The following FMNL3 variants were observed in gnomAD, a reference collection of about 807,000 sequenced individuals.
FMNL3 encodes formin like 3, also known as formin-like protein 3.
FMNL3 carries 57 observed loss-of-function variants against 119.6 expected under a neutral mutation model. That is an observed-to-expected ratio of 0.48 (90% confidence interval 0.39 to 0.59). The LOEUF (loss-of-function observed/expected upper bound fraction) is 0.59, where lower values mean the gene tolerates loss of function less well. Among genes scored for constraint, FMNL3 ranks in the 20% least tolerant of loss-of-function variants. The pLI is 0.00. For synonymous variants in FMNL3, 491 were observed against 507.3 expected, an observed-to-expected ratio of 0.97 and a Z score of 0.43; for missense variants, 1,053 against 1,323.5, an observed-to-expected ratio of 0.80 and a Z score of 3.17.
At position 49,636,630 on chromosome 12, in the gene FMNL3, C is replaced by G; in HGVS notation, c.*9185G>C. On this transcript the variant is annotated 3_prime_UTR_variant, in exon 26 of 26. Coordinates refer to ENST00000335154, the MANE Select transcript of FMNL3 (RefSeq NM_175736.5). ...CTGGGTATCCCTAGCACCTGTAGGA[C>G]AGCATCGTTGAAACATTAGGGGTGC... 1 of 1,577,886 alleles carries G rather than the reference C, an allele frequency of 6.3e-7. No homozygotes were observed. The highest frequency in any genetic ancestry group is 1.1e-5 in the South Asian group (1 of 88,836).
intron 4 of FMNL3, among the ~76,000 whole-genome samples, 194 bp from the exon 5 acceptor site, chr12:49,662,243 G>C (rs78621448): frequency 2.0e-4 from 30 of 152,292 alleles, no homozygotes; most frequent in African/African-American, 7.2e-4. Flanking sequence ...CAGGGATGGG[G>C]AAAGTTCAGG....
intron 1 of FMNL3, among the ~76,000 whole-genome samples, chr12:49,684,865 T>C (rs904015008): frequency 6.6e-6 from 1 of 152,078 alleles, no homozygotes. Flanking sequence ...TTCTGCTGAG[T>C]GGCAAGTAAA....
chr12:49,668,850 T>C (rs1012375172), intron 1 of FMNL3, among the ~76,000 whole-genome samples: 3 of 152,230 alleles, frequency 2.0e-5, no homozygotes, highest in Non-Finnish European at 2.9e-5. Flanking sequence ...TTCGGAAGTA[T>C]AAATAATGTT....
intron 1 of FMNL3, among the ~76,000 whole-genome samples, chr12:49,693,636 G>GTTTTTTT (rs71080198): frequency 1.6e-5 from 1 of 63,376 alleles, no homozygotes; most frequent in African/African-American, 6.3e-5. Flanking sequence ...CCCAATCTTG[G>GTTTTTTT]TTTTTTTTTT....
In FMNL3 at chr12:49,641,075, A is replaced by C. The variant is rs1942574853; in HGVS notation, c.*4740T>G. 1 of 152,218 alleles carries C rather than the reference A, an allele frequency of 6.6e-6. No homozygotes were observed. The highest frequency in any genetic ancestry group is 1.5e-5 in the Non-Finnish European group (1 of 68,038). The allele number at this position is 152,218 out of a possible 1,614,324, so 9.4% of individuals were successfully genotyped here. A position where few individuals can be genotyped will look rare whatever the true frequency, so the allele number is the denominator to read the frequency against. On this transcript the variant is annotated 3_prime_UTR_variant, in exon 26 of 26. Coordinates refer to ENST00000335154, the MANE Select transcript of FMNL3 (RefSeq NM_175736.5). ...CTGGCCTGTGCTTAACTGACGTGAGAGCCAGACTTTGAACTCCAGTGGCTT... is the reference window on the plus strand; with the variant it reads ...CTGGCCTGTGCTTAACTGACGTGAGCGCCAGACTTTGAACTCCAGTGGCTT...
chr12:49,638,066 A>AG lies in FMNL3; in HGVS notation c.*7748dup, dbSNP rs375460955. On this transcript the variant is annotated 3_prime_UTR_variant, in exon 26 of 26. Coordinates refer to ENST00000335154, the MANE Select transcript of FMNL3 (RefSeq NM_175736.5). ...TATACAAAGGGGCAAGTGTTATTACAGAGACAGGAATCTGAAGAACTAACA... is the reference window on the plus strand; with the variant it reads ...TATACAAAGGGGCAAGTGTTATTACAGGAGACAGGAATCTGAAGAACTAACA... 52 of 491,378 alleles carry AG rather than the reference A, an allele frequency of 1.1e-4. No homozygotes were observed. Among genetic ancestry groups the AG allele is most frequent in the African/African-American group, 7.9e-4 (41 of 51,900 alleles). 30.4% of individuals were successfully genotyped at this position (491,378 alleles called of 1,614,324 possible). A position where few individuals can be genotyped will look rare whatever the true frequency, so the allele number is the denominator to read the frequency against.
At chr12:49,689,677 T>C (rs1380422853) in intron 1 of FMNL3, among the ~76,000 whole-genome samples, 1 of 152,172 alleles carries the variant, frequency 6.6e-6, no homozygotes, top group Non-Finnish European at 1.5e-5. Flanking sequence ...GATCACACTA[T>C]TGCACTTCAA....
At chr12:49,654,127 TC>T (rs1943495326) in intron 11 of FMNL3, 64 bp downstream of exon 11, 2 of 1,472,120 alleles carry the variant, frequency 1.4e-6, no homozygotes, top group South Asian at 2.3e-5. Flanking sequence ...AAAAGAAAAA[TC>T]ATTTGTGATA....
At chr12:49,661,061 T>C (rs757939299) in intron 5 of FMNL3, among the ~76,000 whole-genome samples, 7 of 152,348 alleles carry the variant, frequency 4.6e-5, no homozygotes, top group African/African-American at 1.7e-4. Flanking sequence ...ACTGGGAAGA[T>C]TGGTCTCCCT....
At chr12:49,697,869 A>G (rs1944793835) in intron 1 of FMNL3, among the ~76,000 whole-genome samples, 1 of 152,052 alleles carries the variant, frequency 6.6e-6, no homozygotes, top group East Asian at 1.9e-4. Flanking sequence ...AAAAAAAAAA[A>G]GACTATAAAG....
At chr12:49,700,972 G>T (rs999751226) in intron 1 of FMNL3, among the ~76,000 whole-genome samples, 1 of 149,600 alleles carries the variant, frequency 6.7e-6, no homozygotes, top group Non-Finnish European at 1.5e-5. Context: ...CCAGCTACTT[G>T]GGAGGCTGAG....
At chr12:49,667,334 A>T (rs1452099004) in intron 2 of FMNL3, among the ~76,000 whole-genome samples, 1 of 152,224 alleles carries the variant, frequency 6.6e-6, no homozygotes, top group African/African-American at 2.4e-5. Flanking sequence ...CTGAGAGATC[A>T]ATTAAAGACC....
In FMNL3 at chr12:49,653,841, C is replaced by T. The variant is rs745909591; in HGVS notation, c.1105G>A (p.Val369Met). 1.9e-6 allele frequency: 3 copies of T among 1,614,214 alleles called. No homozygotes were observed. In the Admixed American group the frequency reaches 5.0e-5, roughly 27 times the overall value. Residue 369 changes from valine to methionine, a missense_variant, in exon 12 of 26, where the codon GTG becomes ATG. Coordinates refer to ENST00000335154, the MANE Select transcript of FMNL3 (RefSeq NM_175736.5). ...TTGTCCAGATATGCCTGAATCTGCA[C>T]CTGCAGCTTCTCGCTCTCTGTGTGC... ...SRHTESEKLQ[V>M]QIQAYLDNVF...
At chr12:49,706,821 G>A (rs1213599302) in intron 1 of FMNL3, among the ~76,000 whole-genome samples, 1 of 152,208 alleles carries the variant, frequency 6.6e-6, no homozygotes, top group East Asian at 1.9e-4. Flanking sequence ...GTCCCGAACT[G>A]GGGACTTCTC....
At position 49,643,760 on chromosome 12, in the gene FMNL3, A is replaced by G; in HGVS notation, c.*2055T>C. 6.2e-7 allele frequency: 1 copy of G among 1,613,954 alleles called. No individual in the cohort carries two copies. Among genetic ancestry groups the G allele is most frequent in the Non-Finnish European group, 8.5e-7 (1 of 1,179,966 alleles). ...AAGAGAAGACACAAGTCGGTGAGTG[A>G]AGGAACTTCTACCTAAGCCCCTGCT... On this transcript the variant is annotated 3_prime_UTR_variant, in exon 26 of 26. Coordinates refer to ENST00000335154, the MANE Select transcript of FMNL3 (RefSeq NM_175736.5).
intron 1 of FMNL3, among the ~76,000 whole-genome samples, chr12:49,704,424 A>G (rs545677210): frequency 6.6e-6 from 1 of 152,302 alleles, no homozygotes; most frequent in South Asian, 2.1e-4. Context: ...AAAATAAGCT[A>G]ATCTGGCCAG....
chr12:49,685,094 C>T (rs1944424384), intron 1 of FMNL3, among the ~76,000 whole-genome samples: 1 of 152,184 alleles, frequency 6.6e-6, no homozygotes, highest in Non-Finnish European at 1.5e-5. Context: ...ATAACAGCAA[C>T]TCTACCACCC....
chr12:49,696,500 T>C (rs538876140), intron 1 of FMNL3, among the ~76,000 whole-genome samples: 4 of 152,374 alleles, frequency 2.6e-5, no homozygotes, highest in African/African-American at 9.6e-5. Flanking sequence ...ACAGTTGTTA[T>C]ACTGTTTTGT....
At position 49,647,516 on chromosome 12, in the gene FMNL3, G is replaced by A. The variant is rs1943243886; in HGVS notation, c.2779-148C>T. 1 of 1,011,928 alleles carries A rather than the reference G, an allele frequency of 9.9e-7. No homozygotes were observed. The highest frequency in any genetic ancestry group is 1.5e-6 in the Non-Finnish European group (1 of 669,158). 62.7% of individuals were successfully genotyped at this position (1,011,928 alleles called of 1,614,324 possible). On this transcript the variant is annotated intron_variant, in intron 23 of 25. Transcript: ENST00000335154. The surrounding 1 kb of genome is among the most constrained non-coding windows in gnomAD (Gnocchi z 4.9). ...AGGGGCACTTCCTGCCCCAAACAAT[G>A]ACAGGAAGGTCCTGGGCCCCACCCT...
Sources: allele counts gnomAD v4.1 joint callset (sites outside exome capture counted in the v4.1 genomes callset), GRCh38; gene constraint gnomAD v4.1.1; non-coding constraint Gnocchi (gnomAD v3.1); transcripts MANE v1.5; gene names NCBI Gene and HGNC (gene_info 2026-07-23, HGNC 2026-07-21).